Variants in TRPC5 observed in about 807,000 individuals in gnomAD.
TRPC5 encodes short transient receptor potential channel 5.
TRPC5 carries 9 observed loss-of-function variants against 56.5 expected under a neutral mutation model. That is an observed-to-expected ratio of 0.16 (90% confidence interval 0.10 to 0.28). The LOEUF is 0.28. Ranked by LOEUF, TRPC5 falls within the 10% of genes least tolerant of loss-of-function variation. The pLI is 1.00. For missense variants in TRPC5, 469 were observed against 748.9 expected, an observed-to-expected ratio of 0.63 and a Z score of 4.36; for synonymous variants, 282 against 278.5, an observed-to-expected ratio of 1.01 and a Z score of -0.13.
At chrX:111,895,611 T>C (rs771266225) in intron 3 of TRPC5, among the ~76,000 whole-genome samples, 8 of 110,994 alleles carry the variant, frequency 7.2e-5, no homozygotes, top group African/African-American at 2.6e-4. Context: ...TCTAGAAGCT[T>C]TGTTGTTTTG....
rs1929358122 is a variant in TRPC5, at chrX:112,024,197, G to A, written c.-22+57682C>T. The stretch of plus-strand genomic sequence containing the variant: ...GTTAATTTTATCTGTCAACTTGACT[G>A]GGCCATAGAGTGTCCAGATATTTGG... On this transcript the variant is annotated intron_variant, in intron 1 of 10. Transcript: ENST00000262839. Among the ~76,000 whole-genome samples, 4 of 111,886 alleles carry A rather than the reference G, an allele frequency of 3.6e-5. No homozygotes were observed. The South Asian group carries it at 1.5e-3, about 42-fold the overall frequency.
chrX:111,838,493 A>C (rs1922634118), intron 6 of TRPC5, among the ~76,000 whole-genome samples: 1 of 111,166 alleles, frequency 9.0e-6, no homozygotes, highest in African/African-American at 3.3e-5. Context: ...GTCTATAATA[A>C]AGTCATCACA....
At chrX:111,854,247 T>C in intron 3 of TRPC5, 141 bp from the exon 4 acceptor site, 2 of 557,244 alleles carry the variant, frequency 3.6e-6, no homozygotes, top group African/African-American at 2.3e-5. Flanking sequence ...TCTAGGTGCC[T>C]GTGAATGCAT....
chrX:111,906,900 A>G (rs189823630), intron 3 of TRPC5, among the ~76,000 whole-genome samples: 43 of 111,696 alleles, frequency 3.8e-4, no homozygotes, highest in African/African-American at 1.3e-3. Context: ...CTCATTACAG[A>G]CATTGAGGAA....
At position 111,900,220 on chromosome X, in the gene TRPC5, G is replaced by T. The variant is rs1273049143; in HGVS notation, c.900+12071C>A. ...GCTGGGCCCCACTCTGGTCAGAACTGCTGAAAACTGGGCAATAATAGACTT... is the reference window on the plus strand; with the variant it reads ...GCTGGGCCCCACTCTGGTCAGAACTTCTGAAAACTGGGCAATAATAGACTT... On this transcript the variant is annotated intron_variant, in intron 3 of 10. Coordinates refer to ENST00000262839, the MANE Select transcript of TRPC5 (RefSeq NM_012471.3). Among the ~76,000 whole-genome samples the T allele has an allele frequency of 3.6e-5, 4 of 111,908 alleles. No individual in the cohort carries two copies. In the South Asian group the frequency reaches 1.5e-3, roughly 42 times the overall value.
chrX:111,980,734 A>C (rs190986725), intron 1 of TRPC5, among the ~76,000 whole-genome samples: 1 of 109,908 alleles, frequency 9.1e-6, no homozygotes, highest in East Asian at 2.8e-4. Context: ...ATTTTGTGAG[A>C]TTCAATAGGC....
At chrX:111,866,460 A>G (rs1405992564) in intron 3 of TRPC5, among the ~76,000 whole-genome samples, 1 of 112,972 alleles carries the variant, frequency 8.9e-6, no homozygotes, top group Non-Finnish European at 1.9e-5. Context: ...TCCTCACTGC[A>G]GTTGTTGATT....
intron 2 of TRPC5, among the ~76,000 whole-genome samples, chrX:111,923,130 A>G (rs1468686751): frequency 9.0e-6 from 1 of 111,716 alleles, no homozygotes; most frequent in Non-Finnish European, 1.9e-5. Flanking sequence ...CGTACTGTTA[A>G]CCACTATACA....
intron 3 of TRPC5, chrX:111,882,056 A>G (rs938331137): frequency 9.1e-6 from 1 of 109,619 alleles, no homozygotes; most frequent in African/African-American, 3.3e-5. Context: ...CCAATTGCAC[A>G]TTATGGGCAA....
At chrX:111,782,663 G>A (rs896130568) in intron 7 of TRPC5, among the ~76,000 whole-genome samples, 6 of 111,265 alleles carry the variant, frequency 5.4e-5, no homozygotes, top group Non-Finnish European at 1.1e-4. Context: ...TATTTTTAAG[G>A]TGTCGGATTG....
intron 1 of TRPC5, among the ~76,000 whole-genome samples, chrX:112,058,721 C>T (rs1930394937): frequency 8.9e-6 from 1 of 111,958 alleles, no homozygotes; most frequent in South Asian, 3.7e-4. Context: ...CTTAAGATTT[C>T]TTCAAATCTT....
chrX:111,833,033 C>T (rs1922458171), intron 7 of TRPC5, among the ~76,000 whole-genome samples: 1 of 111,521 alleles, frequency 9.0e-6, no homozygotes, highest in Non-Finnish European at 1.9e-5. Flanking sequence ...GAATGCCAAG[C>T]AGAGGGGATG....
chrX:111,780,354 T>A (rs1474040823), intron 9 of TRPC5, among the ~76,000 whole-genome samples: 2 of 111,252 alleles, frequency 1.8e-5, no homozygotes, highest in Admixed American at 9.6e-5. Flanking sequence ...CATGTTGTAA[T>A]TTATCAAGAT....
At chrX:111,783,187 G>A (rs755622292) in intron 7 of TRPC5, among the ~76,000 whole-genome samples, 1 of 112,098 alleles carries the variant, frequency 8.9e-6, no homozygotes, top group African/African-American at 3.2e-5. Flanking sequence ...ATGCACGATG[G>A]TTTCTTTGTT....
At chrX:111,964,829 A>G (rs1023359491) in intron 1 of TRPC5, among the ~76,000 whole-genome samples, 1 of 111,884 alleles carries the variant, frequency 8.9e-6, no homozygotes, top group South Asian at 3.8e-4. Context: ...AGGAAGCACT[A>G]AACATGGAAA....
rs771892692 is a variant in TRPC5, at chrX:111,919,177, T to G, written c.379-6365A>C. 1.2e-4 allele frequency among the ~76,000 whole-genome samples: 13 copies of G among 111,179 alleles called. No individual in the cohort carries two copies. In the South Asian group the frequency reaches 5.0e-3, roughly 43 times the overall value. The stretch of plus-strand genomic sequence containing the variant: ...AGAACTTTTCTATCTTATAAGAGGT[T>G]TGTAAAATCCACCAATCAGTGCTCT... On this transcript the variant is annotated intron_variant, in intron 2 of 10. Coordinates refer to ENST00000262839, the MANE Select transcript of TRPC5 (RefSeq NM_012471.3).
intron 1 of TRPC5, among the ~76,000 whole-genome samples, chrX:112,058,272 CAG>C (rs1930385286): frequency 8.9e-6 from 1 of 112,238 alleles, no homozygotes; most frequent in South Asian, 3.7e-4. Context: ...AAACTAAACT[CAG>C]TGTTTTTACT....
At chrX:111,970,980 G>C (rs772028819) in intron 1 of TRPC5, among the ~76,000 whole-genome samples, 1 of 110,140 alleles carries the variant, frequency 9.1e-6, no homozygotes, top group Non-Finnish European at 1.9e-5. Context: ...GGGTTTCACC[G>C]TGTTAGCCAG....
At chrX:111,906,361 C>CA (rs778721700) in intron 3 of TRPC5, among the ~76,000 whole-genome samples, 28 of 104,657 alleles carry the variant, frequency 2.7e-4, no homozygotes, top group East Asian at 9.0e-4. Flanking sequence ...TTTAAAAAAA[C>CA]AAAAAACAAA....
Sources: gnomAD v4.1 joint callset for allele counts (sites outside exome capture counted in the v4.1 genomes callset) on GRCh38, gnomAD v4.1.1 for gene constraint, MANE v1.5 for transcripts, NCBI Gene and HGNC (gene_info 2026-07-23, HGNC 2026-07-21) for gene names.